SULT1A2: variants seen among roughly 807,000 people sequenced by gnomAD.
The protein encoded by SULT1A2 is sulfotransferase family 1A member 2.
Under a neutral mutation model 36.0 loss-of-function variants are expected in SULT1A2, and 33 were observed. That is an observed-to-expected ratio of 0.92 (90% confidence interval 0.69 to 1.22). The LOEUF (loss-of-function observed/expected upper bound fraction) is 1.22. Among genes scored for constraint, SULT1A2 ranks in the 50% most tolerant of loss-of-function variants. The pLI is 0.00. For missense variants in SULT1A2, 367 were observed against 383.2 expected (o/e 0.96, Z 0.35); for synonymous variants, 138 against 144.5 (o/e 0.96, Z 0.32).
At chr16:28,592,234 T>C (rs777817875) in intron 7 of SULT1A2, 29 bp downstream of exon 7, 65 of 1,613,666 alleles carry the variant, frequency 4.0e-5, no homozygotes, top group Middle Eastern at 3.3e-4. Flanking sequence ...TCCCACCTGC[T>C]CCAAACCCCC....
chr16:28,594,107 T>C (rs114564408), intron 4 of SULT1A2, among the ~76,000 whole-genome samples: 1 of 126,260 alleles, frequency 7.9e-6, no homozygotes, highest in African/African-American at 2.8e-5. Flanking sequence ...TTTTTTTTTT[T>C]GGGGGGGGGG....
chr16:28,593,399 C>T (rs1300397224), intron 5 of SULT1A2, 43 bp downstream of exon 5: 2 of 1,613,896 alleles, frequency 1.2e-6, no homozygotes, highest in African/African-American at 2.7e-5. Context: ...GTTGTAGCCA[C>T]CACCCCTTAG....
At chr16:28,594,539 G>A (rs569934395) in intron 4 of SULT1A2, among the ~76,000 whole-genome samples, 9 of 152,224 alleles carry the variant, frequency 5.9e-5, no homozygotes, top group East Asian at 3.9e-4. Flanking sequence ...TGCAACCACC[G>A]CCTCCCAGGT....
At chr16:28,596,936 T>C (rs2047065319) in intron 1 of SULT1A2, 61 bp downstream of exon 1, 7 of 1,127,196 alleles carry the variant, frequency 6.2e-6, no homozygotes, top group Non-Finnish European at 8.0e-6. Context: ...GCTTCTGGAA[T>C]GTTGGAGCCA....
At chr16:28,592,488 C>G (rs1217918316) in intron 6 of SULT1A2, 45 bp from the exon 7 acceptor site, 3 of 1,613,908 alleles carry the variant, frequency 1.9e-6, no homozygotes, top group Non-Finnish European at 2.5e-6. Flanking sequence ...ATTGCTGATT[C>G]AGGAAAATAA....
At chr16:28,593,151 G>A in intron 6 of SULT1A2, 101 bp downstream of exon 6, 1 of 1,546,640 alleles carries the variant, frequency 6.5e-7, no homozygotes, top group African/African-American at 1.4e-5. Context: ...GGGCCTGCTG[G>A]AGGGGCCGCC....
chr16:28,593,651 G>A (rs1284358885), intron 4 of SULT1A2, 83 bp from the exon 5 acceptor site: 3 of 1,591,832 alleles, frequency 1.9e-6, no homozygotes, highest in Admixed American at 1.7e-5. Context: ...TGGCAAAGGA[G>A]GAAGCTGAGG....
chr16:28,596,066 T>G (rs1378404862), intron 1 of SULT1A2, 132 bp from the exon 2 acceptor site: 4 of 1,558,724 alleles, frequency 2.6e-6, no homozygotes, highest in Non-Finnish European at 3.5e-6. Context: ...ACAAGGCCAG[T>G]CAGTGGCGGG....
chr16:28,592,084 C>T lies in SULT1A2; in HGVS notation c.832G>A (p.Ala278Thr). 1.9e-6 allele frequency: 3 copies of T among 1,612,106 alleles called. No homozygotes were observed. Among genetic ancestry groups the T allele is most frequent in the Non-Finnish European group, 2.5e-6 (3 of 1,179,944 alleles). ...FTVAQNERFDADYAKKMAGCS... is the reference protein window; with the variant it reads ...FTVAQNERFDTDYAKKMAGCS... ...CCTGCCATCTTCTTCGCATAGTCCG[C>T]ATCGAAGCGCTCATTCTGCGCCACG... The change falls in exon 8 of 8, where the codon GCG (alanine) becomes ACG (threonine). Residue 278 changes from alanine (A) to threonine (T), a missense_variant. Physicochemically the swap from Ala to Thr is moderately conservative, Grantham distance 58. Transcript: ENST00000335715.
At chr16:28,593,072 G>A (rs2047013452) in intron 6 of SULT1A2, among the ~76,000 whole-genome samples, 180 bp downstream of exon 6, 1 of 152,230 alleles carries the variant, frequency 6.6e-6, no homozygotes, top group Admixed American at 6.5e-5. Context: ...GGAGATGAGA[G>A]CTGTGCCCAG....
rs1238640393 is a variant in SULT1A2 at position 28,593,531 on chromosome 16, A to G, written c.410T>C (p.Val137Ala). The change falls in exon 5 of 8, where the codon GTT becomes GCT. Residue 137 changes from valine to alanine, a missense_variant. By Grantham distance (64) the Val-to-Ala change is moderately conservative (BLOSUM62 0). Transcript: ENST00000335715. Reference protein sequence around the residue: ...YVARNAKDVAVSYYHFYHMAK... With the variant: ...YVARNAKDVAASYYHFYHMAK... Reference sequence around the variant, plus strand: ...CATGTGGTAGAAGTGGTAGTAGGAAACCGCCACATCCTTTGCGTTGCGGGC... The same window carrying G: ...CATGTGGTAGAAGTGGTAGTAGGAAGCCGCCACATCCTTTGCGTTGCGGGC... 4.3e-6 allele frequency: 7 copies of G among 1,614,006 alleles called. No individual in the cohort carries two copies. The highest frequency in any genetic ancestry group is 5.9e-6 in the Non-Finnish European group (7 of 1,179,982).
At chr16:28,596,382 TC>T in intron 1 of SULT1A2, 1 of 1,100,296 alleles carries the variant, frequency 9.1e-7, no homozygotes, top group Non-Finnish European at 1.1e-6. Context: ...GATGTTCCCC[TC>T]CTTGAGCCCC....
At chr16:28,594,458 A>G (rs1210577111) in intron 4 of SULT1A2, among the ~76,000 whole-genome samples, 2 of 152,060 alleles carry the variant, frequency 1.3e-5, no homozygotes, top group Non-Finnish European at 2.9e-5. Context: ...TAAAATATTT[A>G]TTTGTTTTGT....
chr16:28,595,950 G>A lies in SULT1A2; in HGVS notation c.-4-16C>T, dbSNP rs1167547744. On this transcript the variant is annotated splice_polypyrimidine_tract_variant and intron_variant, in intron 1 of 7. Coordinates refer to ENST00000335715, the MANE Select transcript of SULT1A2 (RefSeq NM_001054.4). ...CTCCATGTTCCTGCGTCAGGGGCCA[G>A]AGCCAGGCCCGTTCCCTTACCACCA... is the stretch of plus-strand genomic sequence containing the variant. 1.2e-6 allele frequency: 2 copies of A among 1,602,930 alleles called. No individual in the cohort carries two copies. The highest frequency in any genetic ancestry group is 2.2e-5 in the South Asian group (2 of 90,480).
At position 28,592,121 on chromosome 16, in the gene SULT1A2, C is replaced by G. The variant is rs769826072; in HGVS notation, c.795G>C (p.Lys265Asn). ...CATTCTGCGCCACGGTGAAGGTGGT[C>G]TTCCAGTCCCCAGCCATGCCTGGGG... The part of the protein sequence containing the change: ...FMRKGMAGDW[K>N]TTFTVAQNER... The change falls in exon 8 of 8, where the codon AAG (lysine) becomes AAC (asparagine). Residue 265 changes from lysine (K) to asparagine (N), a missense_variant. Physicochemically the swap from Lys to Asn is moderately conservative, Grantham distance 94. Coordinates refer to ENST00000335715, the MANE Select transcript of SULT1A2 (RefSeq NM_001054.4). 11 of 1,612,072 alleles carry G rather than the reference C, an allele frequency of 6.8e-6. No individual in the cohort carries two copies. The highest frequency in any genetic ancestry group is 9.3e-6 in the Non-Finnish European group (11 of 1,179,852).
chr16:28,596,535 G>A (rs2047061703), intron 1 of SULT1A2: 1 of 388,612 alleles, frequency 2.6e-6, no homozygotes, highest in South Asian at 3.2e-5. Context: ...GTGGGAATGA[G>A]CAAAACTGTG....
In SULT1A2 at chr16:28,594,770, C is replaced by CTTTTTTTTTTTTTT. The variant is rs1033591115; in HGVS notation, c.372+583_372+596dup. On this transcript the variant is annotated intron_variant, in intron 4 of 7. Transcript: ENST00000335715. ...AGGCCCAGCCCCCTGCCACCTGCCGCTTTTTTTTTTTTTTTTTTTTTTTTT... is the reference window on the plus strand; with the variant it reads ...AGGCCCAGCCCCCTGCCACCTGCCGCTTTTTTTTTTTTTTTTTTTTTTTTTTTTTTTTTTTTTTT... 9.3e-5 allele frequency among the ~76,000 whole-genome samples: 5 copies of CTTTTTTTTTTTTTT among 53,844 alleles called. 1 individual carries two copies. Among genetic ancestry groups the CTTTTTTTTTTTTTT allele is most frequent in the African/African-American group, 3.5e-4 (5 of 14,366 alleles). 35.3% of individuals were successfully genotyped at this position (53,844 alleles called of 152,430 possible).
chr16:28,594,732 C>T (rs1463110583), intron 4 of SULT1A2, among the ~76,000 whole-genome samples: 3 of 134,158 alleles, frequency 2.2e-5, no homozygotes, highest in African/African-American at 5.5e-5. Flanking sequence ...GTATTACAGG[C>T]GTGAGCCACA....
rs1054897269 is a variant in SULT1A2 at position 28,595,231 on chromosome 16, G to A, written c.372+136C>T. 4 of 1,148,360 alleles carry A rather than the reference G, an allele frequency of 3.5e-6. No homozygotes were observed. The African/African-American group carries it at 6.2e-5, about 18-fold the overall frequency. 71.1% of individuals were successfully genotyped at this position (1,148,360 alleles called of 1,614,324 possible). ...AGCCTCCTGAGTAGCTGGTATTACA[G>A]GCACACACCACTATGCACAGCTAAG... On this transcript the variant is annotated intron_variant, in intron 4 of 7. Transcript: ENST00000335715.
Sources: gnomAD v4.1 joint callset for allele counts (sites outside exome capture counted in the v4.1 genomes callset) on GRCh38, gnomAD v4.1.1 for gene constraint, MANE v1.5 for transcripts, NCBI Gene and HGNC (gene_info 2026-07-23, HGNC 2026-07-21) for gene names.